The following BLK variants were observed in gnomAD, a reference collection of about 807,000 sequenced individuals.
BLK encodes the protein BLK proto-oncogene, Src family tyrosine kinase.
BLK carries 64 observed loss-of-function variants against 61.8 expected under a neutral mutation model. The observed-to-expected ratio is 1.03, with a 90% CI of 0.85 to 1.27. BLK has a LOEUF of 1.27. Ranked by LOEUF, BLK falls within the 50% of genes most tolerant of loss-of-function variation. The pLI is 0.00. For synonymous variants in BLK, 351 were observed against 272.0 expected (o/e 1.29, Z -2.86); for missense variants, 853 against 660.5 (o/e 1.29, Z -3.19).
At chr8:11,563,236 G>A in intron 12 of BLK, 126 bp downstream of exon 12, 3 of 1,403,092 alleles carry the variant, frequency 2.1e-6, no homozygotes, top group Non-Finnish European at 2.9e-6. Flanking sequence ...CGAAGACGGA[G>A]ACCCAGGCAT....
intron 1 of BLK, among the ~76,000 whole-genome samples, chr8:11,495,726 G>A (rs1451616302): frequency 1.3e-5 from 2 of 152,194 alleles, no homozygotes; most frequent in East Asian, 1.9e-4. Context: ...TTCGCATCCT[G>A]TATTGGATCC....
chr8:11,518,780 C>G (rs937226540), intron 1 of BLK, among the ~76,000 whole-genome samples: 6 of 152,200 alleles, frequency 3.9e-5, no homozygotes, highest in Non-Finnish European at 8.8e-5. Flanking sequence ...CTGCCCTCCT[C>G]TCACCATCCC....
intron 6 of BLK, 77 bp downstream of exon 6, chr8:11,550,339 T>C: frequency 7.3e-7 from 1 of 1,373,186 alleles, no homozygotes; most frequent in Non-Finnish European, 1.0e-6. Flanking sequence ...GGCCCTGGAG[T>C]GAGAGGGGAA....
At chr8:11,515,197 G>A (rs1001592796) in intron 1 of BLK, among the ~76,000 whole-genome samples, 29 of 152,306 alleles carry the variant, frequency 1.9e-4, no homozygotes, top group Admixed American at 5.9e-4. Flanking sequence ...GCTGGGTGGA[G>A]GTGGCCACAG....
At chr8:11,530,451 T>C (rs1330249691) in intron 1 of BLK, among the ~76,000 whole-genome samples, 2 of 152,226 alleles carry the variant, frequency 1.3e-5, no homozygotes, top group African/African-American at 2.4e-5. Context: ...TCTGAAAATA[T>C]GTCATTTCAG....
chr8:11,511,281 C>T lies in BLK; in HGVS notation c.-2+16690C>T, dbSNP rs147059008. Among the ~76,000 whole-genome samples, 954 of 152,018 alleles carry T rather than the reference C, an allele frequency of 6.3e-3. 3 individuals carry two copies. Among genetic ancestry groups the T allele is most frequent in the Middle Eastern group, 0.014 (4 of 294 alleles). Reference sequence around the variant, plus strand: ...ACACAGGAAGGGGAACATCACACACCGGGGCCTGTTGTGGGGTGGGGAGAG... The same window carrying T: ...ACACAGGAAGGGGAACATCACACACTGGGGCCTGTTGTGGGGTGGGGAGAG... On this transcript the variant is annotated intron_variant, in intron 1 of 12. Coordinates refer to ENST00000259089, the MANE Select transcript of BLK (RefSeq NM_001715.3).
chr8:11,508,892 G>A (rs991871948), intron 1 of BLK, among the ~76,000 whole-genome samples: 16 of 152,288 alleles, frequency 1.1e-4, no homozygotes, highest in Admixed American at 2.6e-4. Context: ...CTCGAGGGAG[G>A]TGCCTGCCCA....
chr8:11,540,674 A>G (rs9657551), intron 1 of BLK, among the ~76,000 whole-genome samples: 56,166 of 151,894 alleles, frequency 0.37, 11,294 homozygotes, highest in East Asian at 0.75. Context: ...AACCATATAA[A>G]TCATCAAAAT....
intron 1 of BLK, among the ~76,000 whole-genome samples, chr8:11,505,804 G>A (rs1798749751): frequency 1.3e-5 from 2 of 152,148 alleles, no homozygotes; most frequent in African/African-American, 4.8e-5. Context: ...TCTTCTCCAA[G>A]CACGCTGGGC....
At chr8:11,548,513 G>GAC (rs1025366460) in intron 4 of BLK, among the ~76,000 whole-genome samples, 59 of 152,286 alleles carry the variant, frequency 3.9e-4, no homozygotes, top group African/African-American at 1.4e-3. Flanking sequence ...CCACACTGAT[G>GAC]ACACACACCA....
At position 11,559,703 on chromosome 8, in the gene BLK, G is replaced by T. The variant is rs568977667; in HGVS notation, c.1030-1599G>T. The T allele has an allele frequency of 1.5e-3, 660 of 454,988 alleles. 1 individual carries two copies. The highest frequency in any genetic ancestry group is 5.9e-3 in the Middle Eastern group (17 of 2,882). The allele number at this position is 454,988 out of a possible 1,614,324, so 28.2% of individuals were successfully genotyped here. A position where few individuals can be genotyped will look rare whatever the true frequency, so the allele number is the denominator to read the frequency against. On this transcript the variant is annotated intron_variant, in intron 10 of 12. Coordinates refer to ENST00000259089, the MANE Select transcript of BLK (RefSeq NM_001715.3). ...ACAATCCCTCGGGCCCCACTTTGCA[G>T]CCAGATGCCACCGGTTCCCATGCCC...
At position 11,555,300 on chromosome 8, in the gene BLK, C is replaced by T. The variant is rs778896633; in HGVS notation, c.620-32C>T. ...AGGTAGAGCCTGGCTGCTCTGGTAACCCCCAGCCCTGTCTTTTCTTCCCTA... is the reference window on the plus strand; with the variant it reads ...AGGTAGAGCCTGGCTGCTCTGGTAATCCCCAGCCCTGTCTTTTCTTCCCTA... On this transcript the variant is annotated intron_variant, in intron 7 of 12. Coordinates refer to ENST00000259089, the MANE Select transcript of BLK (RefSeq NM_001715.3). 6 of 1,613,530 alleles carry T rather than the reference C, an allele frequency of 3.7e-6. No homozygotes were observed. In the African/African-American group the frequency reaches 4.0e-5, roughly 11 times the overall value.
Position 11,556,838 on chromosome 8 carries a change from G to T in BLK, c.952+1G>T, listed in dbSNP as rs1333449377. On this transcript the variant is annotated splice_donor_variant, in intron 9 of 12. Transcript: ENST00000259089. LOFTEE classifies it high-confidence loss of function. ...ATTGTCACCGAGTACATGGCCAGAG[G>T]TGGTGCCCCCCGCAGAGCCGCATCC... 3 of 1,613,748 alleles carry T rather than the reference G, an allele frequency of 1.9e-6. No individual in the cohort carries two copies. Among genetic ancestry groups the T allele is most frequent in the African/African-American group, 2.7e-5 (2 of 74,902 alleles).
At chr8:11,511,281 C>G (rs147059008) in intron 1 of BLK, among the ~76,000 whole-genome samples, 1 of 151,902 alleles carries the variant, frequency 6.6e-6, no homozygotes, top group African/African-American at 2.4e-5. Flanking sequence ...CATCACACAC[C>G]GGGGCCTGTT....
intron 9 of BLK, 122 bp downstream of exon 9, chr8:11,556,959 C>T: frequency 2.1e-6 from 2 of 946,928 alleles, no homozygotes; most frequent in African/African-American, 1.7e-5. Flanking sequence ...TAGGGCATGG[C>T]ACGGTGTGGG....
intron 1 of BLK, among the ~76,000 whole-genome samples, chr8:11,529,454 G>C (rs113352749): frequency 0.017 from 2,586 of 152,218 alleles, 43 homozygotes; most frequent in African/African-American, 0.045. Flanking sequence ...CCACAGATCA[G>C]ATGAGCTGGT....
At chr8:11,540,757 T>C (rs1371993208) in intron 1 of BLK, among the ~76,000 whole-genome samples, 2 of 152,050 alleles carry the variant, frequency 1.3e-5, no homozygotes, top group South Asian at 2.1e-4. Flanking sequence ...AAAGATTTAC[T>C]ATTTGAAAGG....
chr8:11,554,807 C>A lies in BLK; in HGVS notation c.537C>A (p.Ile179=). ...GGGAGCTGATCAAGCACTATAAGAT[C>A]CGCTGCCTGGATGAAGGGGGCTACT... ...TQGELIKHYK[I]RCLDEGGYYI... is the part of the protein sequence containing the mutation. Residue 179 remains isoleucine, a synonymous_variant, in exon 7 of 13, where the codon ATC becomes ATA. Transcript: ENST00000259089. 6.2e-7 allele frequency: 1 copy of A among 1,614,092 alleles called. No individual in the cohort carries two copies. Among genetic ancestry groups the A allele is most frequent in the Non-Finnish European group, 8.5e-7 (1 of 1,180,036 alleles).
chr8:11,501,893 A>C (rs1798575249), intron 1 of BLK, among the ~76,000 whole-genome samples: 1 of 152,244 alleles, frequency 6.6e-6, no homozygotes, highest in Non-Finnish European at 1.5e-5. Context: ...TATTCAGAAA[A>C]GTTTCCTCAA....
Sources: allele counts gnomAD v4.1 joint callset (sites outside exome capture counted in the v4.1 genomes callset), GRCh38; gene constraint gnomAD v4.1.1; transcripts MANE v1.5; gene names NCBI Gene and HGNC (gene_info 2026-07-23, HGNC 2026-07-21).